The following SGCD variants were observed in gnomAD, a reference collection of about 807,000 sequenced individuals.
SGCD encodes the protein delta-sarcoglycan.
Under a neutral mutation model 36.6 loss-of-function variants are expected in SGCD, and 18 were observed. The ratio of observed to expected loss-of-function variants is 0.49; its 90% confidence interval spans 0.34 to 0.73. The LOEUF is 0.73. Among genes scored for constraint, SGCD ranks in the 30% least tolerant of loss-of-function variants. The pLI is 0.01. For synonymous variants in SGCD, 133 were observed against 130.6 expected, an observed-to-expected ratio of 1.02 and a Z score of -0.12; for missense variants, 387 against 346.7, an observed-to-expected ratio of 1.12 and a Z score of -0.92.
At chr5:156,745,147 A>G (rs998036493) in intron 7 of SGCD, among the ~76,000 whole-genome samples, 1 of 152,084 alleles carries the variant, frequency 6.6e-6, no homozygotes, top group African/African-American at 2.4e-5. Flanking sequence ...CACAGATGAA[A>G]CTGGGACCCC....
chr5:155,889,789 C>A (rs1287474271), intron 1 of SGCD, among the ~76,000 whole-genome samples: 1 of 152,160 alleles, frequency 6.6e-6, no homozygotes, highest in East Asian at 1.9e-4. Flanking sequence ...TTTGGGGCAA[C>A]TTGATGTGGT....
chr5:155,913,715 T>A (rs973409303), intron 1 of SGCD, among the ~76,000 whole-genome samples: 4 of 152,212 alleles, frequency 2.6e-5, no homozygotes, highest in Non-Finnish European at 5.9e-5. Context: ...TTATATTGAA[T>A]TATATTTGAA....
chr5:156,566,259 T>A (rs1454260373), intron 4 of SGCD, among the ~76,000 whole-genome samples: 2 of 152,106 alleles, frequency 1.3e-5, no homozygotes, highest in Non-Finnish European at 2.9e-5. Flanking sequence ...TTCAATTTTT[T>A]AAAAAAACAT....
chr5:155,788,739 G>T, the SGCD span, among the ~76,000 whole-genome samples: 1 of 152,070 alleles, frequency 6.6e-6, no homozygotes, highest in African/African-American at 2.4e-5. Context: ...CATTGTCTTT[G>T]CTTTCAAGGG....
intron 3 of SGCD, among the ~76,000 whole-genome samples, chr5:156,207,419 A>T (rs944980779): frequency 7.9e-5 from 12 of 152,142 alleles, no homozygotes; most frequent in Non-Finnish European, 1.6e-4. Flanking sequence ...AGGCTAGTTG[A>T]TCTCTAATGT....
At chr5:155,994,676 T>C (rs1377644360) in intron 1 of SGCD, among the ~76,000 whole-genome samples, 1 of 152,180 alleles carries the variant, frequency 6.6e-6, no homozygotes, top group Non-Finnish European at 1.5e-5. Flanking sequence ...TCCCCATCCT[T>C]GTATCCTCAA....
chr5:156,256,239 CT>C (rs1373593894), intron 3 of SGCD, among the ~76,000 whole-genome samples: 1 of 152,148 alleles, frequency 6.6e-6, no homozygotes, highest in African/African-American at 2.4e-5. Flanking sequence ...ATGTGTAAGT[CT>C]TAAGCACTTG....
chr5:156,139,461 G>C (rs529482762), intron 3 of SGCD, among the ~76,000 whole-genome samples: 1 of 151,988 alleles, frequency 6.6e-6, no homozygotes, highest in African/African-American at 2.4e-5. Flanking sequence ...TTGTTTCTCT[G>C]CTTCTCTTAC....
At chr5:156,597,792 G>T (rs1006121910) in intron 6 of SGCD, among the ~76,000 whole-genome samples, 11 of 152,126 alleles carry the variant, frequency 7.2e-5, no homozygotes, top group Non-Finnish European at 2.9e-5. Flanking sequence ...CTATGATTTA[G>T]GTACTATGCT....
At chr5:155,751,518 C>G in the SGCD span, among the ~76,000 whole-genome samples, 1 of 152,068 alleles carries the variant, frequency 6.6e-6, no homozygotes, top group Non-Finnish European at 1.5e-5. Context: ...TCCCCAGTGG[C>G]TGGGACTACA....
intron 3 of SGCD, among the ~76,000 whole-genome samples, chr5:156,168,675 C>T (rs924253622): frequency 1.3e-5 from 2 of 152,202 alleles, no homozygotes; most frequent in African/African-American, 4.8e-5. Flanking sequence ...TGTATTTGTT[C>T]ATCCTAATAA....
chr5:155,854,868 G>T, the SGCD span, among the ~76,000 whole-genome samples: 5 of 152,122 alleles, frequency 3.3e-5, no homozygotes, highest in Admixed American at 6.6e-5. Context: ...GACACTTAGT[G>T]CTTACAAGGG....
intron 3 of SGCD, among the ~76,000 whole-genome samples, chr5:156,448,955 T>C (rs1753872360): frequency 6.6e-6 from 1 of 151,948 alleles, no homozygotes; most frequent in African/African-American, 2.4e-5. Context: ...GTTTTTACCA[T>C]GTTGGCCAGG....
intron 3 of SGCD, among the ~76,000 whole-genome samples, chr5:156,352,630 A>G (rs1487011824): frequency 6.6e-6 from 1 of 152,200 alleles, no homozygotes; most frequent in African/African-American, 2.4e-5. Flanking sequence ...TAACATTACA[A>G]AATCCAAACT....
At chr5:156,759,123 C>A in intron 8 of SGCD, 94 bp from the exon 9 acceptor site, 1 of 957,134 alleles carries the variant, frequency 1.0e-6, no homozygotes, top group Non-Finnish European at 1.7e-6. Flanking sequence ...CATTAGATTT[C>A]AGTTGAATTG....
intron 3 of SGCD, among the ~76,000 whole-genome samples, chr5:156,474,330 G>A (rs963049192): frequency 3.4e-5 from 5 of 146,374 alleles, no homozygotes; most frequent in Admixed American, 2.0e-4. Context: ...TGCAAGCACC[G>A]TGTGTCAGGA....
chr5:155,761,825 A>T, the SGCD span, among the ~76,000 whole-genome samples: 1 of 151,642 alleles, frequency 6.6e-6, no homozygotes, highest in Non-Finnish European at 1.5e-5. Flanking sequence ...CCTTTCCATC[A>T]CCTTCTCCAT....
At chr5:156,644,500 T>C (rs1047349015) in intron 6 of SGCD, among the ~76,000 whole-genome samples, 7 of 152,170 alleles carry the variant, frequency 4.6e-5, no homozygotes, top group African/African-American at 7.2e-5. Context: ...GGTTATTATT[T>C]CTACCTATTA....
chr5:156,504,392 GTATATATATATATATATATATA>G (rs59580975), intron 3 of SGCD, among the ~76,000 whole-genome samples: 1 of 75,072 alleles, frequency 1.3e-5, no homozygotes, highest in African/African-American at 3.9e-5. Flanking sequence ...GTGTGTGTGT[GTATATATATATATATATATATA>G]TATATATATA....
Sources: gnomAD v4.1 joint callset for allele counts (sites outside exome capture counted in the v4.1 genomes callset) on GRCh38, gnomAD v4.1.1 for gene constraint, MANE v1.5 for transcripts, NCBI Gene and HGNC (gene_info 2026-07-23, HGNC 2026-07-21) for gene names.